Variants in ARHGEF28 observed in about 807,000 individuals in gnomAD.
ARHGEF28 encodes the protein Rho guanine nucleotide exchange factor 28.
In ARHGEF28, 152 loss-of-function variants were observed where a neutral mutation model predicts 206.6. The observed-to-expected ratio is 0.74, with a 90% CI of 0.64 to 0.84. The LOEUF (loss-of-function observed/expected upper bound fraction) is 0.84, where lower values mean the gene tolerates loss of function less well. Ranked by LOEUF, ARHGEF28 falls within the 40% of genes least tolerant of loss-of-function variation. The pLI is 0.00. For missense variants in ARHGEF28, 2,028 were observed against 2,073.2 expected (o/e 0.98, Z 0.42); for synonymous variants, 763 against 776.4 (o/e 0.98, Z 0.29).
chr5:73,894,492 A>G lies in ARHGEF28; in HGVS notation c.3758A>G (p.His1253Arg). The G allele has an allele frequency of 6.2e-7, 1 of 1,614,010 alleles. No individual in the cohort carries two copies. Residue 1253 changes from histidine (H) to arginine (R), a missense_variant, in exon 29 of 36, where the codon CAT becomes CGT. Coordinates refer to ENST00000513042, the MANE Select transcript of ARHGEF28 (RefSeq NM_001177693.2). Reference protein sequence around the residue: ...LGELSGFEDVHLEPHLLIKPD... With the variant: ...LGELSGFEDVRLEPHLLIKPD... ...GAACTGAGCGGATTTGAGGACGTCC[A>G]TCTAGAGCCCCACCTCCTTATTAAA...
At chr5:73,879,418 C>G (rs1435460433) in intron 22 of ARHGEF28, among the ~76,000 whole-genome samples, 1 of 152,192 alleles carries the variant, frequency 6.6e-6, no homozygotes, top group African/African-American at 2.4e-5. Flanking sequence ...GCCTTCTTCT[C>G]TCAACTCGTC....
chr5:73,920,356 T>C (rs1232494363), intron 35 of ARHGEF28, among the ~76,000 whole-genome samples: 1 of 152,186 alleles, frequency 6.6e-6, no homozygotes, highest in African/African-American at 2.4e-5. Flanking sequence ...TCATTAGTAT[T>C]GGAGTAAATT....
chr5:73,857,764 T>C lies in ARHGEF28; in HGVS notation c.1899T>C (p.Pro633=). ...FSFLMNRMTS[P]RNKSKTKSKD... ...TCCTCATGAATAGGATGACTAGCCC[T>C]CGGAATAAATCAAAGGTAATTAAAG... The change falls in exon 15 of 36, where the codon CCT becomes CCC. Residue 633 remains proline (P), a synonymous_variant. Transcript: ENST00000513042. The C allele has an allele frequency of 6.2e-7, 1 of 1,612,520 alleles. No individual in the cohort carries two copies. Among genetic ancestry groups the C allele is most frequent in the South Asian group, 1.1e-5 (1 of 90,702 alleles).
At chr5:73,756,793 T>G (rs191856212) in intron 4 of ARHGEF28, among the ~76,000 whole-genome samples, 1 of 152,222 alleles carries the variant, frequency 6.6e-6, no homozygotes, top group Admixed American at 6.5e-5. Context: ...TCAGTTTTAA[T>G]TTTGTACTTT....
intron 1 of ARHGEF28, among the ~76,000 whole-genome samples, chr5:73,644,614 A>G (rs149796903): frequency 6.6e-6 from 1 of 152,244 alleles, no homozygotes; most frequent in Non-Finnish European, 1.5e-5. Flanking sequence ...ATCTCCCAGG[A>G]GCTCCTTGAA....
intron 9 of ARHGEF28, among the ~76,000 whole-genome samples, 158 bp from the exon 10 acceptor site, chr5:73,832,180 T>G (rs748401286): frequency 6.6e-6 from 1 of 152,200 alleles, no homozygotes; most frequent in Non-Finnish European, 1.5e-5. Context: ...GGTTTGGATA[T>G]AGATGAAAAA....
chr5:73,764,805 A>G (rs192235109), intron 4 of ARHGEF28, among the ~76,000 whole-genome samples: 4 of 152,296 alleles, frequency 2.6e-5, no homozygotes, highest in Admixed American at 1.3e-4. Context: ...CCAACCTCAG[A>G]TCTCCTGTTT....
chr5:73,671,578 G>A (rs573590288), intron 1 of ARHGEF28, among the ~76,000 whole-genome samples: 1 of 151,394 alleles, frequency 6.6e-6, no homozygotes, highest in East Asian at 1.9e-4. Flanking sequence ...TGATGAAGAA[G>A]CAAGGATCTG....
chr5:73,749,976 G>A lies in ARHGEF28; in HGVS notation c.173G>A (p.Ser58Asn), dbSNP rs1297444522. ...ERIEDNVLQSSVPGHGLQETV... is the reference protein window; with the variant it reads ...ERIEDNVLQSNVPGHGLQETV... Reference sequence around the variant, plus strand: ...ATCGAGGATAACGTTCTCCAGTCCAGCGTCCCAGGTGAGGTGTCCTCTTTG... The same window carrying A: ...ATCGAGGATAACGTTCTCCAGTCCAACGTCCCAGGTGAGGTGTCCTCTTTG... Residue 58 changes from serine to asparagine, a missense_variant, in exon 3 of 36, where the codon AGC (serine) becomes AAC (asparagine). This residue lies in a region of ARHGEF28 where 1,002 missense variants were observed against 1,015.3 expected (regional missense o/e 0.99). Coordinates refer to ENST00000513042, the MANE Select transcript of ARHGEF28 (RefSeq NM_001177693.2). The A allele has an allele frequency of 2.5e-6, 4 of 1,613,884 alleles. 1 individual carries two copies. In the South Asian group the frequency reaches 3.3e-5, roughly 13 times the overall value.
chr5:73,882,092 GCCAGA>G, intron 22 of ARHGEF28, among the ~76,000 whole-genome samples: 1 of 151,730 alleles, frequency 6.6e-6, no homozygotes, highest in Non-Finnish European at 1.5e-5. Flanking sequence ...TTTTTGGGGG[GCCAGA>G]CCTTCCTGAA....
At chr5:73,901,117 G>A in intron 30 of ARHGEF28, 67 bp from the exon 31 acceptor site, 3 of 1,314,738 alleles carry the variant, frequency 2.3e-6, no homozygotes, top group Non-Finnish European at 3.2e-6. Context: ...GTGTACAGAA[G>A]AACCCGGTGG....
intron 2 of ARHGEF28, among the ~76,000 whole-genome samples, chr5:73,687,919 G>C (rs898178965): frequency 1.3e-5 from 2 of 152,012 alleles, no homozygotes; most frequent in Non-Finnish European, 2.9e-5. Flanking sequence ...ATGATACAGT[G>C]TTTTCTCATT....
At chr5:73,638,349 A>G (rs1226078419) in intron 1 of ARHGEF28, among the ~76,000 whole-genome samples, 1 of 152,214 alleles carries the variant, frequency 6.6e-6, no homozygotes, top group Non-Finnish European at 1.5e-5. Flanking sequence ...ACATGTGTGA[A>G]TCTATTTTTA....
intron 24 of ARHGEF28, among the ~76,000 whole-genome samples, chr5:73,884,414 G>T (rs993220155): frequency 7.2e-5 from 11 of 152,214 alleles, no homozygotes; most frequent in African/African-American, 2.4e-4. Context: ...TATAAGACCT[G>T]TGTCTGTCTG....
At chr5:73,923,293 A>AAG in intron 35 of ARHGEF28, 1 of 809,104 alleles carries the variant, frequency 1.2e-6, no homozygotes, top group Non-Finnish European at 1.8e-6. Flanking sequence ...GTAAAAAAAA[A>AAG]TCAAATACTA....
intron 23 of ARHGEF28, among the ~76,000 whole-genome samples, chr5:73,883,196 GAAATTTGTCTTAT>G (rs1761063226): frequency 6.6e-6 from 1 of 152,020 alleles, no homozygotes; most frequent in South Asian, 2.1e-4. Flanking sequence ...ATTTGTTGAA[GAAATTTGTCTTAT>G]AAAGTTTCCT....
intron 4 of ARHGEF28, among the ~76,000 whole-genome samples, chr5:73,767,194 C>G (rs1752943838): frequency 6.6e-6 from 1 of 152,118 alleles, no homozygotes; most frequent in South Asian, 2.1e-4. Context: ...GTAAATTGCC[C>G]AGTCTCAGGT....
At chr5:73,832,503 A>G in intron 10 of ARHGEF28, 44 bp downstream of exon 10, 1 of 1,593,376 alleles carries the variant, frequency 6.3e-7, no homozygotes, top group Non-Finnish European at 8.6e-7. Context: ...ACCTCTCTCC[A>G]AAACCTGGGT....
chr5:73,901,273 G>A lies in ARHGEF28; in HGVS notation c.4063G>A (p.Ala1355Thr). The A allele has an allele frequency of 6.2e-7, 1 of 1,612,950 alleles. No homozygotes were observed. Among genetic ancestry groups the A allele is most frequent in the Non-Finnish European group, 8.5e-7 (1 of 1,179,442 alleles). ...GVVTDLAVSD[A>T]GEKVECRNFP... ...GGTAACCGACTTGGCCGTCTCTGATGCAGGGGAGAAGGTATTGTGAACTGA... is the reference window on the plus strand; with the variant it reads ...GGTAACCGACTTGGCCGTCTCTGATACAGGGGAGAAGGTATTGTGAACTGA... Residue 1355 changes from alanine (A) to threonine (T), a missense_variant, in exon 31 of 36, where the codon GCA becomes ACA. Ala to Thr is a moderately conservative substitution (Grantham distance 58). This residue lies in a region of ARHGEF28 where 803 missense variants were observed against 768.0 expected (regional missense o/e 1.05). Coordinates refer to ENST00000513042, the MANE Select transcript of ARHGEF28 (RefSeq NM_001177693.2).
Sources: allele counts gnomAD v4.1 joint callset (sites outside exome capture counted in the v4.1 genomes callset), GRCh38; gene constraint gnomAD v4.1.1; regional missense constraint gnomAD v4.1.1; transcripts MANE v1.5; gene names NCBI Gene and HGNC (gene_info 2026-07-23, HGNC 2026-07-21).